The following DDX19A variants were observed in gnomAD, a reference collection of about 807,000 sequenced individuals.
The protein encoded by DDX19A is ATP-dependent RNA helicase DDX19A.
In DDX19A, 12 loss-of-function variants were observed where a neutral mutation model predicts 60.6. The observed-to-expected ratio is 0.20, with a 90% CI of 0.13 to 0.32. DDX19A has a LOEUF of 0.32. Ranked by LOEUF, DDX19A falls within the 10% of genes least tolerant of loss-of-function variation. The pLI, the probability that DDX19A is intolerant of heterozygous loss-of-function variation, is 1.00. For synonymous variants in DDX19A, 206 were observed against 218.2 expected (o/e 0.94, Z 0.49); for missense variants, 337 against 600.6 (o/e 0.56, Z 4.59).
rs746124056 is a variant in DDX19A, at chr16:70,365,126, A to G, written c.599A>G (p.Asn200Ser). ...AAGCTTGCCTATGCCGTTCGAGGCA[A>G]TAAATGTGAGTACGGCAGGCGACAA... ...ELKLAYAVRGNKLERGQKISE... is the reference protein window; with the variant it reads ...ELKLAYAVRGSKLERGQKISE... Residue 200 changes from asparagine (N) to serine (S), a missense_variant, in exon 7 of 12, where the codon AAT becomes AGT. Physicochemically the swap from Asn to Ser is conservative, Grantham distance 46. Coordinates refer to ENST00000302243, the MANE Select transcript of DDX19A (RefSeq NM_018332.5). 1.9e-6 allele frequency: 3 copies of G among 1,610,600 alleles called. No homozygotes were observed. In the African/African-American group the frequency reaches 4.0e-5, roughly 22 times the overall value.
At chr16:70,349,966 A>G (rs1043893059) in intron 1 of DDX19A, among the ~76,000 whole-genome samples, 2 of 152,112 alleles carry the variant, frequency 1.3e-5, no homozygotes, top group African/African-American at 2.4e-5. Flanking sequence ...TTAGGTTATC[A>G]TGTGGTTCTG....
intron 5 of DDX19A, chr16:70,363,796 G>A (rs1391304051): frequency 6.6e-6 from 1 of 152,218 alleles, no homozygotes; most frequent in African/African-American, 2.4e-5. Flanking sequence ...CTGGAATGCA[G>A]TGGCGCAACG....
At chr16:70,349,814 G>T (rs1963958448) in intron 1 of DDX19A, among the ~76,000 whole-genome samples, 1 of 152,152 alleles carries the variant, frequency 6.6e-6, no homozygotes, top group South Asian at 2.1e-4. Flanking sequence ...ACAAATATAG[G>T]CCTAAACATA....
intron 5 of DDX19A, among the ~76,000 whole-genome samples, chr16:70,362,097 C>G (rs1296498973): frequency 6.6e-6 from 1 of 151,790 alleles, no homozygotes; most frequent in African/African-American, 2.4e-5. Flanking sequence ...ATTGCTTGAA[C>G]CCGGGAGGCA....
intron 3 of DDX19A, chr16:70,355,903 AGT>A: frequency 1.5e-6 from 1 of 650,066 alleles, no homozygotes; most frequent in Non-Finnish European, 2.6e-6. Flanking sequence ...TCTAGACTAC[AGT>A]GAGCTCTGAT....
chr16:70,356,845 G>T (rs1442146533), intron 4 of DDX19A: 6 of 1,253,294 alleles, frequency 4.8e-6, no homozygotes, highest in Non-Finnish European at 6.2e-6. Context: ...TATACTCTTA[G>T]AACTTTCAAT....
intron 7 of DDX19A, 124 bp downstream of exon 7, chr16:70,365,255 C>A: frequency 4.9e-6 from 3 of 612,114 alleles, no homozygotes; most frequent in Non-Finnish European, 8.7e-6. Context: ...AACTGTGTTG[C>A]TCTATTTGAA....
chr16:70,350,856 T>G (rs1030641782), intron 2 of DDX19A, among the ~76,000 whole-genome samples: 1 of 145,646 alleles, frequency 6.9e-6, no homozygotes, highest in South Asian at 2.1e-4. Context: ...AAATTATTTA[T>G]TTATTTATTT....
At position 70,361,444 on chromosome 16, in the gene DDX19A, A is replaced by G. The variant is rs754433388; in HGVS notation, c.320A>G (p.Tyr107Cys). 1.9e-6 allele frequency: 3 copies of G among 1,614,002 alleles called. No individual in the cohort carries two copies. Among genetic ancestry groups the G allele is most frequent in the African/African-American group, 2.7e-5 (2 of 75,060 alleles). Residue 107 changes from tyrosine to cysteine, a missense_variant, in exon 5 of 12, where the codon TAT becomes TGT. By Grantham distance (194) the Tyr-to-Cys change is radical. This residue lies in a region of DDX19A where 127 missense variants were observed against 160.3 expected (regional missense o/e 0.79). Coordinates refer to ENST00000302243, the MANE Select transcript of DDX19A (RefSeq NM_018332.5). ...AAACCACAGCTTCTCCAGGGAGTCT[A>G]TGCCATGGGCTTCAATCGACCCTCC... ...RLKPQLLQGV[Y>C]AMGFNRPSKI... is the part of the protein sequence containing the mutation.
chr16:70,347,113 C>T (rs1212164585), intron 1 of DDX19A, 65 bp downstream of exon 1: 1 of 1,517,658 alleles, frequency 6.6e-7, no homozygotes, highest in Admixed American at 1.9e-5. Context: ...CCCAAAAGCA[C>T]AGGGAGCTCC....
chr16:70,365,152 C>T, intron 7 of DDX19A, 21 bp downstream of exon 7: 1 of 1,530,976 alleles, frequency 6.5e-7, no homozygotes. Context: ...CAGGCGACAA[C>T]TGAACAGTGA....
chr16:70,363,455 G>C (rs1371406501), intron 5 of DDX19A: 2 of 151,858 alleles, frequency 1.3e-5, no homozygotes, highest in East Asian at 4.0e-4. Flanking sequence ...TCCTGGCTCA[G>C]CTTCCCGAGT....
chr16:70,366,552 C>T (rs898392229), intron 8 of DDX19A, 72 bp from the exon 9 acceptor site: 172 of 1,593,976 alleles, frequency 1.1e-4, no homozygotes, highest in Middle Eastern at 3.3e-4. Context: ...TAGACCCTCC[C>T]AGCTGGGGAG....
intron 2 of DDX19A, among the ~76,000 whole-genome samples, chr16:70,350,848 A>ATTAT (rs200007299): frequency 0.076 from 10,919 of 144,014 alleles, 474 homozygotes; most frequent in East Asian, 0.16. Flanking sequence ...ATTTTGGCAA[A>ATTAT]TTATTTATTT....
intron 2 of DDX19A, among the ~76,000 whole-genome samples, chr16:70,352,333 G>T (rs1964041597): frequency 6.9e-6 from 1 of 145,696 alleles, no homozygotes; most frequent in African/African-American, 2.6e-5. Flanking sequence ...CACCCAGGCT[G>T]GAGTGCAGTG....
At chr16:70,368,418 G>A (rs1391293861) in intron 9 of DDX19A, among the ~76,000 whole-genome samples, 1 of 151,440 alleles carries the variant, frequency 6.6e-6, no homozygotes, top group African/African-American at 2.4e-5. Context: ...GATTACCAGC[G>A]CCCGCCATCA....
intron 4 of DDX19A, among the ~76,000 whole-genome samples, chr16:70,357,711 T>G (rs1964255562): frequency 6.6e-6 from 1 of 152,030 alleles, no homozygotes; most frequent in Admixed American, 6.6e-5. Context: ...TTCAGTAAAT[T>G]AATAGAGGAT....
chr16:70,370,696 CAA>C (rs1210382807), intron 10 of DDX19A: 213 of 210,574 alleles, frequency 1.0e-3, no homozygotes, highest in South Asian at 1.9e-3. Context: ...ACTCTGTCTC[CAA>C]AAAAAAAAAG....
At chr16:70,347,722 CT>C (rs1435720067) in intron 1 of DDX19A, among the ~76,000 whole-genome samples, 1 of 152,086 alleles carries the variant, frequency 6.6e-6, no homozygotes, top group East Asian at 1.9e-4. Flanking sequence ...CAGAGTTTTG[CT>C]CTTGTTGCCC....
Sources: allele counts gnomAD v4.1 joint callset (sites outside exome capture counted in the v4.1 genomes callset), GRCh38; gene constraint gnomAD v4.1.1; regional missense constraint gnomAD v4.1.1; transcripts MANE v1.5; gene names NCBI Gene and HGNC (gene_info 2026-07-23, HGNC 2026-07-21).